The following WHRN variants were observed in gnomAD, a reference collection of about 807,000 sequenced individuals.
WHRN encodes CASK-interacting protein CIP98.
Under a neutral mutation model 68.3 loss-of-function variants are expected in WHRN, and 41 were observed. That is an observed-to-expected ratio of 0.60 (90% confidence interval 0.47 to 0.78). The LOEUF (loss-of-function observed/expected upper bound fraction) is 0.78. Ranked by LOEUF, WHRN falls within the 30% of genes least tolerant of loss-of-function variation. The pLI is 0.00. For missense variants in WHRN, 1,243 were observed against 1,244.7 expected, an observed-to-expected ratio of 1.00 and a Z score of 0.02; for synonymous variants, 560 against 561.3, an observed-to-expected ratio of 1.00 and a Z score of 0.03.
intron 8 of WHRN, among the ~76,000 whole-genome samples, chr9:114,407,602 C>T (rs982526400): frequency 6.6e-6 from 1 of 152,198 alleles, no homozygotes; most frequent in Non-Finnish European, 1.5e-5. Flanking sequence ...TTAATTTACT[C>T]CATGCCACGA....
Position 114,504,723 on chromosome 9 carries a change from C to A in WHRN, c.79G>T (p.Gly27Cys). 4.0e-6 allele frequency: 6 copies of A among 1,509,370 alleles called. No homozygotes were observed. Among genetic ancestry groups the A allele is most frequent in the Non-Finnish European group, 5.3e-6 (6 of 1,138,566 alleles). 93.5% of individuals were successfully genotyped at this position (1,509,370 alleles called of 1,614,324 possible). A position where few individuals can be genotyped will look rare whatever the true frequency, so the allele number is the denominator to read the frequency against. Residue 27 changes from glycine to cysteine, a missense_variant, in exon 1 of 12, where the codon GGC becomes TGC. Transcript: ENST00000362057. ...SLGSAAGAGG[G>C]GGAGLRLLSA... ...AGTAACCGCAGCCCCGCGCCCCCGCCGCCGCCCGCCCCGGCCGCCGAGCCC... is the reference window on the plus strand; with the variant it reads ...AGTAACCGCAGCCCCGCGCCCCCGCAGCCGCCCGCCCCGGCCGCCGAGCCC...
intron 2 of WHRN, among the ~76,000 whole-genome samples, chr9:114,468,160 G>A (rs1840885559): frequency 6.6e-6 from 1 of 152,110 alleles, no homozygotes; most frequent in Non-Finnish European, 1.5e-5. Flanking sequence ...TGAAAATGAG[G>A]ACAATAATAT....
chr9:114,415,488 C>T (rs368019926), intron 7 of WHRN, among the ~76,000 whole-genome samples: 2 of 152,172 alleles, frequency 1.3e-5, no homozygotes, highest in Admixed American at 6.5e-5. Context: ...GCCCCACCAG[C>T]TCCTCAGCTG....
At chr9:114,457,433 G>A (rs1437538225) in intron 3 of WHRN, among the ~76,000 whole-genome samples, 3 of 152,086 alleles carry the variant, frequency 2.0e-5, no homozygotes, top group African/African-American at 7.2e-5. Flanking sequence ...CCATAATAGT[G>A]TCATTACGTA....
chr9:114,483,938 G>A (rs967442409), intron 1 of WHRN, among the ~76,000 whole-genome samples: 4 of 152,204 alleles, frequency 2.6e-5, no homozygotes, highest in African/African-American at 7.2e-5. Context: ...CAGGCAGGCT[G>A]AGGGTTGCAC....
At chr9:114,467,498 G>A (rs1840817444) in intron 2 of WHRN, among the ~76,000 whole-genome samples, 2 of 151,918 alleles carry the variant, frequency 1.3e-5, no homozygotes, top group South Asian at 4.2e-4. Flanking sequence ...ACGGGAGGGT[G>A]AGCGAGAGTC....
At chr9:114,455,318 A>G (rs1839686435) in intron 3 of WHRN, among the ~76,000 whole-genome samples, 1 of 152,124 alleles carries the variant, frequency 6.6e-6, no homozygotes, top group Non-Finnish European at 1.5e-5. Context: ...TCCAAAGCTC[A>G]GGTGATCCAC....
intron 1 of WHRN, among the ~76,000 whole-genome samples, chr9:114,490,259 T>C (rs140002524): frequency 1.3e-5 from 2 of 152,080 alleles, no homozygotes; most frequent in South Asian, 4.1e-4. Flanking sequence ...AATGACAACA[T>C]ACGTCAAAAA....
At chr9:114,480,322 G>T (rs1164556990) in intron 1 of WHRN, among the ~76,000 whole-genome samples, 1 of 152,158 alleles carries the variant, frequency 6.6e-6, no homozygotes, top group Admixed American at 6.5e-5. Flanking sequence ...AATAAACATA[G>T]CCTGTGTTAG....
intron 3 of WHRN, among the ~76,000 whole-genome samples, chr9:114,460,221 T>C (rs1462151418): frequency 4.6e-5 from 7 of 152,174 alleles, no homozygotes; most frequent in Non-Finnish European, 1.0e-4. Context: ...GCTAGGAAGG[T>C]GGCAGAGCAA....
intron 3 of WHRN, among the ~76,000 whole-genome samples, chr9:114,457,088 T>C (rs542741467): frequency 6.6e-6 from 1 of 152,324 alleles, no homozygotes; most frequent in African/African-American, 2.4e-5. Context: ...TATGTGTGCA[T>C]GCATGAGTCA....
intron 7 of WHRN, among the ~76,000 whole-genome samples, chr9:114,417,426 C>T (rs1338344603): frequency 1.3e-5 from 2 of 152,144 alleles, no homozygotes; most frequent in South Asian, 2.1e-4. Flanking sequence ...TTTAGAAGGC[C>T]GCATAGTAGA....
Position 114,503,253 on chromosome 9 carries a change from C to A in WHRN, c.618+931G>T, listed in dbSNP as rs185038827. On this transcript the variant is annotated intron_variant, in intron 1 of 11. Transcript: ENST00000362057. Reference sequence around the variant, plus strand: ...TGGGGGTTTACAGAACAGTCCAACCCCCTGAGAAGCATTTCTCTGCAGAAG... The same window carrying A: ...TGGGGGTTTACAGAACAGTCCAACCACCTGAGAAGCATTTCTCTGCAGAAG... 3.8e-3 allele frequency: 3,549 copies of A among 939,596 alleles called. 6 individuals carry two copies. The highest frequency in any genetic ancestry group is 4.3e-3 in the Non-Finnish European group (3,387 of 787,960). The allele number at this position is 939,596 out of a possible 1,614,324, so 58.2% of individuals were successfully genotyped here. A position where few individuals can be genotyped will look rare whatever the true frequency, so the allele number is the denominator to read the frequency against.
chr9:114,414,303 A>G (rs1835660228), intron 7 of WHRN, among the ~76,000 whole-genome samples: 1 of 152,238 alleles, frequency 6.6e-6, no homozygotes. Flanking sequence ...TTGCTGTCCT[A>G]AAGTAGCATG....
At chr9:114,423,595 C>A in intron 6 of WHRN, 72 bp from the exon 7 acceptor site, 2 of 1,448,800 alleles carry the variant, frequency 1.4e-6, no homozygotes, top group Non-Finnish European at 1.9e-6. Flanking sequence ...CCTGCTACCC[C>A]CAAAGGACTG....
At chr9:114,461,523 C>T (rs981347625) in intron 3 of WHRN, among the ~76,000 whole-genome samples, 9 of 152,188 alleles carry the variant, frequency 5.9e-5, no homozygotes, top group Admixed American at 3.3e-4. Flanking sequence ...TTACATCTCC[C>T]GTGCAATCAG....
chr9:114,478,800 G>A (rs1423715396), intron 1 of WHRN, 29 bp from the exon 2 acceptor site: 1 of 1,596,192 alleles, frequency 6.3e-7, no homozygotes, highest in South Asian at 1.1e-5. Context: ...AAAGGTTAGA[G>A]GAAGGGAGGT....
At chr9:114,483,004 T>C (rs898203134) in intron 1 of WHRN, among the ~76,000 whole-genome samples, 1 of 152,192 alleles carries the variant, frequency 6.6e-6, no homozygotes, top group Non-Finnish European at 1.5e-5. Context: ...AGGCCAGCCC[T>C]GGGTCTCCTT....
intron 3 of WHRN, among the ~76,000 whole-genome samples, chr9:114,429,469 A>G (rs1837207800): frequency 1.3e-5 from 2 of 152,158 alleles, no homozygotes; most frequent in Admixed American, 1.3e-4. Flanking sequence ...CTAGCCCAGG[A>G]TTGTCCTTCT....
Sources: gnomAD v4.1 joint callset for allele counts (sites outside exome capture counted in the v4.1 genomes callset) on GRCh38, gnomAD v4.1.1 for gene constraint, MANE v1.5 for transcripts, NCBI Gene and HGNC (gene_info 2026-07-23, HGNC 2026-07-21) for gene names.